Variants in FLNB observed in about 807,000 individuals in gnomAD.
The protein encoded by FLNB is filamin B.
FLNB carries 111 observed loss-of-function variants against 250.6 expected under a neutral mutation model. The ratio of observed to expected loss-of-function variants is 0.44; its 90% CI spans 0.38 to 0.52. The LOEUF (loss-of-function observed/expected upper bound fraction) is 0.52, where lower values mean the gene tolerates loss of function less well. Among genes scored for constraint, FLNB ranks in the 20% least tolerant of loss-of-function variants. The probability of loss-of-function intolerance (pLI) is 0.00; values close to 1 mark genes in which losing one functional copy is unlikely to be tolerated. For missense variants in FLNB, 2,869 were observed against 3,447.8 expected (o/e 0.83, Z 4.20); for synonymous variants, 1,302 against 1,372.1 (o/e 0.95, Z 1.13).
At chr3:58,102,907 C>T (rs2097253388) in intron 9 of FLNB, among the ~76,000 whole-genome samples, 1 of 152,222 alleles carries the variant, frequency 6.6e-6, no homozygotes, top group African/African-American at 2.4e-5. Context: ...CCCATTCTCT[C>T]TCCCTCTTTT....
chr3:58,115,532 G>A (rs2097276465), intron 18 of FLNB, among the ~76,000 whole-genome samples: 1 of 152,216 alleles, frequency 6.6e-6, no homozygotes, highest in African/African-American at 2.4e-5. Flanking sequence ...GGCAGAAGTG[G>A]AGATTAGGAG....
chr3:58,065,564 G>GCACAA (rs946632438), intron 1 of FLNB, among the ~76,000 whole-genome samples: 152 of 152,370 alleles, frequency 1.0e-3, no homozygotes, highest in African/African-American at 3.5e-3. Flanking sequence ...TGTGAGGATT[G>GCACAA]CACAAGGTGA....
At chr3:58,049,682 A>G (rs2097159289) in intron 1 of FLNB, among the ~76,000 whole-genome samples, 1 of 152,014 alleles carries the variant, frequency 6.6e-6, no homozygotes, top group Non-Finnish European at 1.5e-5. Context: ...ACTACCAGAA[A>G]CTTCCACCAC....
At chr3:58,140,119 C>A (rs2097324133) in intron 29 of FLNB, among the ~76,000 whole-genome samples, 1 of 152,208 alleles carries the variant, frequency 6.6e-6, no homozygotes, top group Non-Finnish European at 1.5e-5. Flanking sequence ...ACTAGATGGA[C>A]TGACTGACTG....
Position 58,008,529 on chromosome 3 carries a change from C to T in FLNB, c.-36C>T, listed in dbSNP as rs548130896. On this transcript the variant is annotated 5_prime_UTR_variant, in exon 1 of 46. Transcript: ENST00000295956. Reference sequence around the variant, plus strand: ...TGGGCCTCCAAACACCAGTCCCCGGCAGCTCGTTGCGCATTGCGCTCTCCC... The same window carrying T: ...TGGGCCTCCAAACACCAGTCCCCGGTAGCTCGTTGCGCATTGCGCTCTCCC... 1.1e-5 allele frequency: 17 copies of T among 1,558,696 alleles called. No individual in the cohort carries two copies. The African/African-American group carries it at 1.9e-4, about 17-fold the overall frequency.
At chr3:58,059,044 T>C (rs894456307) in intron 1 of FLNB, among the ~76,000 whole-genome samples, 1 of 152,198 alleles carries the variant, frequency 6.6e-6, no homozygotes, top group Admixed American at 6.5e-5. Flanking sequence ...CTCTTTGAGA[T>C]TGTCAATGTA....
At chr3:58,013,577 C>A (rs938269564) in intron 1 of FLNB, among the ~76,000 whole-genome samples, 2 of 152,210 alleles carry the variant, frequency 1.3e-5, no homozygotes, top group African/African-American at 4.8e-5. Context: ...GTAATCCCAG[C>A]ACCCTGGGAG....
intron 1 of FLNB, among the ~76,000 whole-genome samples, chr3:58,044,132 C>T (rs746020519): frequency 1.6e-4 from 24 of 152,152 alleles, no homozygotes; most frequent in Non-Finnish European, 3.4e-4. Context: ...GGTTCCACCC[C>T]AGTCCAGTCA....
At chr3:58,103,870 C>A (rs1035883415) in intron 9 of FLNB, 89 bp from the exon 10 acceptor site, 1 of 1,509,196 alleles carries the variant, frequency 6.6e-7, no homozygotes, top group South Asian at 1.1e-5. Context: ...ATGTTTTGTT[C>A]AGTGTGGCTG....
At chr3:58,033,612 G>A (rs563514214) in intron 1 of FLNB, among the ~76,000 whole-genome samples, 15 of 152,134 alleles carry the variant, frequency 9.9e-5, no homozygotes, top group Admixed American at 2.6e-4. Context: ...GGCTGGTCCC[G>A]AACTCCTGAC....
intron 1 of FLNB, among the ~76,000 whole-genome samples, chr3:58,048,657 C>A (rs970580329): frequency 1.3e-5 from 2 of 152,124 alleles, no homozygotes; most frequent in Non-Finnish European, 2.9e-5. Context: ...GATTAGGTAA[C>A]CTGTGATTGT....
intron 1 of FLNB, among the ~76,000 whole-genome samples, chr3:58,017,299 G>A (rs1378684261): frequency 6.6e-6 from 1 of 152,132 alleles, no homozygotes; most frequent in Non-Finnish European, 1.5e-5. Flanking sequence ...CATCCAGGCT[G>A]GAGTGCAGTG....
chr3:58,120,994 AT>A (rs1035135811), intron 19 of FLNB, among the ~76,000 whole-genome samples: 2 of 152,258 alleles, frequency 1.3e-5, no homozygotes, highest in Non-Finnish European at 2.9e-5. Context: ...TATAAAATGC[AT>A]TCAGTAAATG....
rs188216859 is a variant in FLNB, at chr3:58,107,560, C to T, written c.1941+687C>T. ...ATAAGCTGTTATTTTCTTGCAACTC[C>T]GGGGATCATATGTCAGTCTTACAGC... On this transcript the variant is annotated intron_variant, in intron 12 of 45. Coordinates refer to ENST00000295956, the MANE Select transcript of FLNB (RefSeq NM_001457.4). 1.3e-4 allele frequency among the ~76,000 whole-genome samples: 20 copies of T among 152,296 alleles called. No individual in the cohort carries two copies. The South Asian group carries it at 2.3e-3, about 17-fold the overall frequency.
chr3:58,155,150 G>A (rs960244888), intron 40 of FLNB, among the ~76,000 whole-genome samples: 1 of 152,184 alleles, frequency 6.6e-6, no homozygotes, highest in Non-Finnish European at 1.5e-5. Context: ...TAGCCTCTCT[G>A]CTTCTTGCTT....
At chr3:58,084,551 CT>C (rs78254135) in intron 4 of FLNB, among the ~76,000 whole-genome samples, 27 of 145,278 alleles carry the variant, frequency 1.9e-4, no homozygotes, top group South Asian at 4.4e-4. Context: ...GAAACACACC[CT>C]TTTAAAAAAA....
chr3:58,148,642 G>C lies in FLNB; in HGVS notation c.5888-7G>C, dbSNP rs752149661. 6.2e-7 allele frequency: 1 copy of C among 1,612,804 alleles called. No individual in the cohort carries two copies. Among genetic ancestry groups the C allele is most frequent in the South Asian group, 1.1e-5 (1 of 91,052 alleles). ...CCTTACAAGCCCCAATCTGTGTTCT[G>C]GTCCAGGCATCTCCTTCATCCCCCG... is the stretch of plus-strand genomic sequence containing the variant. On this transcript the variant is annotated splice_region_variant and splice_polypyrimidine_tract_variant and intron_variant, in intron 35 of 45. Transcript: ENST00000295956.
At chr3:58,143,883 G>A (rs1210842549) in intron 32 of FLNB, among the ~76,000 whole-genome samples, 14 of 152,194 alleles carry the variant, frequency 9.2e-5, no homozygotes, top group Non-Finnish European at 2.1e-4. Flanking sequence ...TGTGGCCAGA[G>A]GTCAAGCTGG....
chr3:58,085,228 A>G (rs570142575), intron 4 of FLNB, among the ~76,000 whole-genome samples: 2 of 152,086 alleles, frequency 1.3e-5, no homozygotes, highest in African/African-American at 2.4e-5. Context: ...TGGTAATTCT[A>G]TATGCAGCTT....
Sources: gnomAD v4.1 joint callset for allele counts (sites outside exome capture counted in the v4.1 genomes callset) on GRCh38, gnomAD v4.1.1 for gene constraint, MANE v1.5 for transcripts, NCBI Gene and HGNC (gene_info 2026-07-23, HGNC 2026-07-21) for gene names.